Variants in DYNLL1 observed in about 807,000 individuals in gnomAD.
DYNLL1 encodes the protein dynein light chain LC8-type 1, also known as dynein light chain 1, cytoplasmic.
DYNLL1 carries 3 observed loss-of-function variants against 10.1 expected under a neutral mutation model. The ratio of observed to expected loss-of-function variants is 0.30; its 90% confidence interval spans 0.14 to 0.77. DYNLL1 has a LOEUF of 0.77. Among genes scored for constraint, DYNLL1 ranks in the 30% least tolerant of loss-of-function variants. DYNLL1 has a pLI of 0.66. For synonymous variants in DYNLL1, 46 were observed against 41.2 expected, an observed-to-expected ratio of 1.12 and a Z score of -0.45; for missense variants, 47 against 111.7, an observed-to-expected ratio of 0.42 and a Z score of 2.61.
At chr12:120,495,933 G>C (rs1161044559), upstream of DYNLL1, 1 of 202,372 alleles carries the variant, frequency 4.9e-6, no homozygotes, top group Non-Finnish European at 1.0e-5. Flanking sequence ...CGTGAGCGGT[G>C]CATTGTGGTC....
chr12:120,472,565 T>G (rs1185064701), intron 1 of DYNLL1, among the ~76,000 whole-genome samples: 1 of 152,078 alleles, frequency 6.6e-6, no homozygotes, highest in African/African-American at 2.4e-5. Context: ...CACTCCTATG[T>G]GATTGTTGCC....
rs1201645177 is a variant in DYNLL1 at position 120,498,362 on chromosome 12, A to G, written c.*152A>G. The stretch of plus-strand genomic sequence containing the variant: ...GTGTTTTGTACAGGGCATTCTCTGT[A>G]CTAGTTTGTCGTGGTTATAAAACAA... On this transcript the variant is annotated 3_prime_UTR_variant, in exon 3 of 3. Transcript: ENST00000242577. The G allele has an allele frequency of 2.3e-6, 2 of 887,886 alleles. No homozygotes were observed. The highest frequency in any genetic ancestry group is 3.2e-6 in the Non-Finnish European group (2 of 619,318). 55.0% of individuals were successfully genotyped at this position (887,886 alleles called of 1,614,324 possible).
chr12:120,498,080 A>G lies in DYNLL1; in HGVS notation c.140A>G (p.Asp47Gly). 1 of 1,612,406 alleles carries G rather than the reference A, an allele frequency of 6.2e-7. No individual in the cohort carries two copies. Among genetic ancestry groups the G allele is most frequent in the South Asian group, 1.1e-5 (1 of 90,728 alleles). Residue 47 changes from aspartate (D) to glycine (G), a missense_variant, in exon 3 of 3, where the codon GAC (aspartate) becomes GGC (glycine). Asp to Gly is a moderately conservative substitution (Grantham distance 94). Transcript: ENST00000242577. ...TTCTTTTGTCTTTTCCAGGAATTTG[A>G]CAAGAAGTACAATCCCACCTGGCAT... ...DIAAHIKKEF[D>G]KKYNPTWHCI...
intron 1 of DYNLL1, among the ~76,000 whole-genome samples, chr12:120,470,936 G>A (rs1203284460): frequency 6.6e-6 from 1 of 151,866 alleles, no homozygotes; most frequent in East Asian, 1.9e-4. Context: ...TCCCAGTTAC[G>A]CGGGAGGCTG....
chr12:120,479,468 A>AATAATAATAATAAT, intron 1 of DYNLL1, among the ~76,000 whole-genome samples: 1 of 109,600 alleles, frequency 9.1e-6, no homozygotes, highest in African/African-American at 3.4e-5. Context: ...AAAAAAAAAA[A>AATAATAATAATAAT]AATAATAATA....
chr12:120,477,270 G>A (rs1242440486), intron 1 of DYNLL1, among the ~76,000 whole-genome samples: 1 of 152,104 alleles, frequency 6.6e-6, no homozygotes, highest in Non-Finnish European at 1.5e-5. Context: ...TTGGACCCCA[G>A]CTTTAAGAGC....
At chr12:120,479,608 G>T (rs911755498) in intron 1 of DYNLL1, among the ~76,000 whole-genome samples, 26 of 152,068 alleles carry the variant, frequency 1.7e-4, no homozygotes, top group African/African-American at 6.0e-4. Context: ...TTCCTGGAGG[G>T]AGTGGCTCTT....
chr12:120,480,335 TACTG>T (rs1269448482), intron 1 of DYNLL1, among the ~76,000 whole-genome samples: 1 of 152,150 alleles, frequency 6.6e-6, no homozygotes, highest in Non-Finnish European at 1.5e-5. Context: ...ATCTCCAAGA[TACTG>T]ACATCTACAG....
At chr12:120,485,320 G>A (rs571377142) in intron 1 of DYNLL1, among the ~76,000 whole-genome samples, 5 of 132,666 alleles carry the variant, frequency 3.8e-5, no homozygotes, top group East Asian at 2.3e-4. Context: ...GCAGTGGCAC[G>A]ATCTCGGCTC....
Position 120,483,457 on chromosome 12 carries a change from C to T in DYNLL1, c.-6-12959C>T, listed in dbSNP as rs142673463. The stretch of plus-strand genomic sequence containing the variant: ...TTAGATGTGAGGTGTGAGGAATATA[C>T]ACAAGTCAAGGAAAACTTCTAGATC... On this transcript the variant is annotated intron_variant, in intron 1 of 2. Transcript: ENST00000392509. 2.4e-3 allele frequency among the ~76,000 whole-genome samples: 359 copies of T among 152,006 alleles called. 2 individuals are homozygous for T. The highest frequency in any genetic ancestry group is 8.1e-3 in the African/African-American group (334 of 41,436).
chr12:120,475,642 A>G (rs1878736894), intron 1 of DYNLL1, among the ~76,000 whole-genome samples: 1 of 152,248 alleles, frequency 6.6e-6, no homozygotes, highest in South Asian at 2.1e-4. Flanking sequence ...TGGCTACTGC[A>G]ACTGAGAAAC....
At chr12:120,487,500 C>T (rs1351519194) in intron 1 of DYNLL1, among the ~76,000 whole-genome samples, 1 of 151,954 alleles carries the variant, frequency 6.6e-6, no homozygotes, top group Non-Finnish European at 1.5e-5. Flanking sequence ...CGGGGTTTCA[C>T]CGTGTTAGTC....
intron 1 of DYNLL1, among the ~76,000 whole-genome samples, chr12:120,476,844 T>G (rs1234341120): frequency 6.6e-6 from 1 of 152,242 alleles, no homozygotes; most frequent in African/African-American, 2.4e-5. Context: ...ACTCCCAACC[T>G]CAGGTGGTCC....
upstream of DYNLL1, among the ~76,000 whole-genome samples, chr12:120,493,647 T>C (rs1879191076): frequency 6.6e-6 from 1 of 151,670 alleles, no homozygotes; most frequent in Non-Finnish European, 1.5e-5. Context: ...AGTCTCGCTC[T>C]GTCTCCCAGG....
chr12:120,496,392 C>G (rs374019342), intron 1 of DYNLL1, 24 bp from the exon 2 acceptor site: 15 of 1,613,528 alleles, frequency 9.3e-6, no homozygotes, highest in Non-Finnish European at 1.2e-5. Context: ...AACTCAACCC[C>G]TTACCCCAGG....
At chr12:120,488,237 T>G (rs1260751500) in intron 1 of DYNLL1, 1 of 152,298 alleles carries the variant, frequency 6.6e-6, no homozygotes. Flanking sequence ...CCCAACAGCT[T>G]CTCTGGAGCC....
At chr12:120,492,525 C>T (rs1879157447), upstream of DYNLL1, among the ~76,000 whole-genome samples, 1 of 152,076 alleles carries the variant, frequency 6.6e-6, no homozygotes, top group African/African-American at 2.4e-5. The surrounding 1 kb of genome is among the most constrained non-coding windows in gnomAD (Gnocchi z 4.1). Context: ...TGAGATCGCA[C>T]TACTGCACTC....
intron 1 of DYNLL1, among the ~76,000 whole-genome samples, chr12:120,478,039 A>C (rs906845875): frequency 6.6e-6 from 1 of 151,162 alleles, no homozygotes; most frequent in Admixed American, 6.6e-5. Context: ...TGATCCACCC[A>C]TGTCGGCCTC....
chr12:120,498,440 CGTT>C lies in DYNLL1; in HGVS notation c.*234_*236del, dbSNP rs1379495869. The C allele has an allele frequency of 1.6e-5, 7 of 432,536 alleles. No individual in the cohort carries two copies. Among genetic ancestry groups the C allele is most frequent in the African/African-American group, 4.1e-5 (2 of 48,684 alleles). 26.8% of individuals were successfully genotyped at this position (432,536 alleles called of 1,614,324 possible). A position where few individuals can be genotyped will look rare whatever the true frequency, so the allele number is the denominator to read the frequency against. On this transcript the variant is annotated 3_prime_UTR_variant, in exon 3 of 3. Coordinates refer to ENST00000242577, the MANE Select transcript of DYNLL1 (RefSeq NM_003746.3). ...ATTTTCTATTCCATACTTCTGCCCA[CGTT>C]GTTTTCTCTCAAAATCCATTCCTTT...
Sources: allele counts gnomAD v4.1 joint callset (sites outside exome capture counted in the v4.1 genomes callset), GRCh38; gene constraint gnomAD v4.1.1; non-coding constraint Gnocchi (gnomAD v3.1); transcripts MANE v1.5; gene names NCBI Gene and HGNC (gene_info 2026-07-23, HGNC 2026-07-21).